Variants in SNX18 observed in about 807,000 individuals in gnomAD.
SNX18 encodes sorting nexin-18.
A neutral mutation model predicts 48.7 loss-of-function variants in SNX18; 35 were observed. That is an observed-to-expected ratio of 0.72 (90% CI 0.55 to 0.95). The LOEUF is 0.95. SNX18 is among the 40% of genes least tolerant of loss of function. The pLI is 0.00. For synonymous variants in SNX18, 492 were observed against 384.7 expected (o/e 1.28, Z -3.26); for missense variants, 824 against 871.0 (o/e 0.95, Z 0.68).
the SNX18 span, among the ~76,000 whole-genome samples, chr5:54,636,362 G>T: frequency 7.3e-6 from 1 of 136,212 alleles, no homozygotes; most frequent in Non-Finnish European, 1.6e-5. Context: ...AGTCTTCCTG[G>T]TGCAACTTTT....
intron 1 of SNX18, among the ~76,000 whole-genome samples, chr5:54,532,644 C>CA (rs1331559273): frequency 6.6e-6 from 1 of 152,060 alleles, no homozygotes; most frequent in Non-Finnish European, 1.5e-5. Context: ...CCACCATACC[C>CA]AAAAACACTT....
At chr5:54,643,021 C>A in the SNX18 span, among the ~76,000 whole-genome samples, 3 of 152,150 alleles carry the variant, frequency 2.0e-5, no homozygotes, top group Non-Finnish European at 4.4e-5. Context: ...TATCTTATAG[C>A]CACAGGCTGT....
chr5:54,630,749 G>A, the SNX18 span, among the ~76,000 whole-genome samples: 13 of 149,722 alleles, frequency 8.7e-5, no homozygotes, highest in African/African-American at 1.7e-4. Flanking sequence ...CAGGAGAACC[G>A]CTTGAATCCA....
chr5:54,528,440 A>G (rs982045381), intron 1 of SNX18, among the ~76,000 whole-genome samples: 1 of 152,182 alleles, frequency 6.6e-6, no homozygotes, highest in African/African-American at 2.4e-5. Context: ...CAGGTGATAG[A>G]GAGGAATTGT....
the SNX18 span, among the ~76,000 whole-genome samples, chr5:54,572,809 T>C: frequency 5.9e-5 from 5 of 84,520 alleles, no homozygotes; most frequent in South Asian, 8.5e-4. Flanking sequence ...TTTTTTTTTT[T>C]CTGAGACAGA....
In SNX18 at chr5:54,519,278, G is replaced by A. The variant is rs553672590; in HGVS notation, c.1326G>A (p.Ala442=). The change falls in exon 1 of 2, where the codon GCG becomes GCA. Residue 442 remains alanine (A), a synonymous_variant. Coordinates refer to ENST00000381410, the MANE Select transcript of SNX18 (RefSeq NM_001102575.2). ...TCACCAAGAAGATGGACGACAGCGC[G>A]CTGCAGCTCAACCACACGGCCAACG... The part of the protein sequence containing the change: ...KCFTKKMDDS[A]LQLNHTANEF... The A allele has an allele frequency of 1.1e-5, 18 of 1,614,112 alleles. No individual in the cohort carries two copies. The East Asian group carries it at 2.5e-4, about 22-fold the overall frequency.
the SNX18 span, among the ~76,000 whole-genome samples, chr5:54,632,379 A>C: frequency 6.6e-6 from 1 of 152,222 alleles, no homozygotes; most frequent in Non-Finnish European, 1.5e-5. Flanking sequence ...TGGAGTTTTG[A>C]CTGCCCACAT....
the SNX18 span, among the ~76,000 whole-genome samples, chr5:54,627,163 TAA>T: frequency 6.6e-6 from 1 of 152,190 alleles, no homozygotes; most frequent in African/African-American, 2.4e-5. Context: ...TGCTCACAAA[TAA>T]AAATTAACAT....
the SNX18 span, among the ~76,000 whole-genome samples, chr5:54,596,932 A>C: frequency 3.3e-3 from 466 of 139,238 alleles, 3 homozygotes; most frequent in African/African-American, 0.011. Flanking sequence ...TGAGTGGATC[A>C]AAAAAGGATG....
At chr5:54,618,885 A>G in the SNX18 span, among the ~76,000 whole-genome samples, 1 of 152,090 alleles carries the variant, frequency 6.6e-6, no homozygotes, top group African/African-American at 2.4e-5. Context: ...CAAGTTTTAT[A>G]CCCCCTGTTC....
chr5:54,626,289 C>T, the SNX18 span, among the ~76,000 whole-genome samples: 1 of 152,100 alleles, frequency 6.6e-6, no homozygotes, highest in South Asian at 2.1e-4. Flanking sequence ...ACTATTTATT[C>T]ACTCTGTACC....
chr5:54,596,420 C>T, the SNX18 span, among the ~76,000 whole-genome samples: 2 of 152,178 alleles, frequency 1.3e-5, no homozygotes, highest in Non-Finnish European at 2.9e-5. Flanking sequence ...AAAAGGCCTT[C>T]ATCTACATTG....
chr5:54,643,247 T>C, the SNX18 span, among the ~76,000 whole-genome samples: 2 of 152,234 alleles, frequency 1.3e-5, no homozygotes, highest in African/African-American at 4.8e-5. Flanking sequence ...ATAATGGTCA[T>C]TATATTTTTA....
chr5:54,585,154 T>A, the SNX18 span, among the ~76,000 whole-genome samples: 2 of 151,984 alleles, frequency 1.3e-5, no homozygotes, highest in African/African-American at 4.8e-5. Context: ...CAGCCAGGCC[T>A]AGTGGCATGC....
the SNX18 span, among the ~76,000 whole-genome samples, chr5:54,627,207 T>A: frequency 6.6e-6 from 1 of 152,200 alleles, no homozygotes; most frequent in Non-Finnish European, 1.5e-5. Flanking sequence ...GAGGGACTTT[T>A]GTTGTAGCTG....
chr5:54,543,292 G>A lies in SNX18; in HGVS notation c.1735G>A (p.Ala579Thr). ...RCNTISFATL[A>T]EIHHFHQIRV... The stretch of plus-strand genomic sequence containing the variant: ...TAACACTATTTCTTTTGCCACTTTG[G>A]CTGAAATTCACCACTTCCATCAAAT... Residue 579 changes from alanine to threonine, a missense_variant, in exon 2 of 2, where the codon GCT (alanine) becomes ACT (threonine). By Grantham distance (58) the Ala-to-Thr change is moderately conservative. This residue lies in a region of SNX18 where 443 missense variants were observed against 503.6 expected (regional missense o/e 0.88). Coordinates refer to ENST00000381410, the MANE Select transcript of SNX18 (RefSeq NM_001102575.2). The A allele has an allele frequency of 6.2e-7, 1 of 1,614,132 alleles. No individual in the cohort carries two copies. The highest frequency in any genetic ancestry group is 8.5e-7 in the Non-Finnish European group (1 of 1,180,030).
the SNX18 span, among the ~76,000 whole-genome samples, chr5:54,589,291 C>T: frequency 1.3e-5 from 2 of 152,192 alleles, no homozygotes; most frequent in South Asian, 2.1e-4. Flanking sequence ...CTCCATGATC[C>T]CTGTGGCCTT....
At chr5:54,611,744 A>T in the SNX18 span, among the ~76,000 whole-genome samples, 1 of 151,878 alleles carries the variant, frequency 6.6e-6, no homozygotes, top group Non-Finnish European at 1.5e-5. Flanking sequence ...AAGAAAGGAG[A>T]AGTGGGGGTG....
chr5:54,618,832 C>A, the SNX18 span, among the ~76,000 whole-genome samples: 2 of 151,598 alleles, frequency 1.3e-5, no homozygotes, highest in African/African-American at 2.4e-5. Context: ...TAAAAAAAAT[C>A]AATAAGTAAA....
Sources: gnomAD v4.1 joint callset for allele counts (sites outside exome capture counted in the v4.1 genomes callset) on GRCh38, gnomAD v4.1.1 for gene constraint, gnomAD v4.1.1 regional missense constraint, MANE v1.5 for transcripts, NCBI Gene and HGNC (gene_info 2026-07-23, HGNC 2026-07-21) for gene names.